The following PKNOX2 variants were observed in gnomAD, a reference collection of about 807,000 sequenced individuals.
PKNOX2 encodes PBX/knotted 1 homeobox 2.
In PKNOX2, 14 loss-of-function variants were observed where a neutral mutation model predicts 53.1. That is an observed-to-expected ratio of 0.26 (90% CI 0.17 to 0.41). The LOEUF (loss-of-function observed/expected upper bound fraction) is 0.41. Ranked by LOEUF, PKNOX2 falls within the 10% of genes least tolerant of loss-of-function variation. The pLI is 1.00. For synonymous variants in PKNOX2, 257 were observed against 242.8 expected, an observed-to-expected ratio of 1.06 and a Z score of -0.54; for missense variants, 496 against 602.8, an observed-to-expected ratio of 0.82 and a Z score of 1.85.
At chr11:125,302,169 G>A (rs781332530) in intron 2 of PKNOX2, among the ~76,000 whole-genome samples, 1 of 152,206 alleles carries the variant, frequency 6.6e-6, no homozygotes, top group Non-Finnish European at 1.5e-5. Context: ...GGCCTGGAAG[G>A]ATGAGTGGAC....
intron 2 of PKNOX2, among the ~76,000 whole-genome samples, chr11:125,264,075 G>C (rs1207095287): frequency 6.6e-6 from 1 of 152,164 alleles, no homozygotes; most frequent in African/African-American, 2.4e-5. Context: ...CCCTACAAGA[G>C]TTAACTCCCT....
intron 1 of PKNOX2, among the ~76,000 whole-genome samples, chr11:125,218,885 A>C (rs1472901699): frequency 6.6e-6 from 1 of 152,206 alleles, no homozygotes; most frequent in Non-Finnish European, 1.5e-5. Flanking sequence ...CAGGGGCTCC[A>C]TGACATCCAC....
At chr11:125,315,904 G>T (rs1246574730) in intron 2 of PKNOX2, among the ~76,000 whole-genome samples, 1 of 152,170 alleles carries the variant, frequency 6.6e-6, no homozygotes, top group Non-Finnish European at 1.5e-5. Flanking sequence ...GTAAGAGCAG[G>T]AGTCCACAAA....
intron 2 of PKNOX2, among the ~76,000 whole-genome samples, chr11:125,310,670 A>C (rs1165788686): frequency 3.3e-5 from 5 of 152,246 alleles, no homozygotes; most frequent in East Asian, 3.9e-4. Flanking sequence ...ATTTGTTTTC[A>C]TCAGTTCACA....
intron 2 of PKNOX2, among the ~76,000 whole-genome samples, chr11:125,284,833 G>T (rs927078116): frequency 6.6e-6 from 1 of 152,196 alleles, no homozygotes; most frequent in South Asian, 2.1e-4. Context: ...TCCACCCCCA[G>T]CTCTGAGCAG....
Position 125,240,670 on chromosome 11 carries a change from C to T in PKNOX2, c.-130+5555C>T, listed in dbSNP as rs144979339. Among the ~76,000 whole-genome samples, 852 of 152,292 alleles carry T rather than the reference C, an allele frequency of 5.6e-3. 8 individuals are homozygous for T. Among genetic ancestry groups the T allele is most frequent in the African/African-American group, 0.019 (778 of 41,546 alleles). On this transcript the variant is annotated intron_variant, in intron 2 of 12. Coordinates refer to ENST00000298282, the MANE Select transcript of PKNOX2 (RefSeq NM_001382323.2). The surrounding 1 kb of genome is among the most constrained non-coding windows in gnomAD (Gnocchi z 4.3). ...TTTTCTTTCTCTGTGGTGCCTGTCA[C>T]TTCCACCATTACCCATTCTCAGATC...
intron 6 of PKNOX2, among the ~76,000 whole-genome samples, chr11:125,396,677 G>T (rs1954424970): frequency 6.6e-6 from 1 of 151,216 alleles, no homozygotes; most frequent in South Asian, 2.1e-4. Context: ...CCTAACAATA[G>T]GAGACTGGTT....
rs150067341 is a variant in PKNOX2, at chr11:125,311,782, CA to C, written c.-129-20034del. Among the ~76,000 whole-genome samples the C allele has an allele frequency of 6.0e-3, 917 of 152,264 alleles. 8 individuals carry two copies. The highest frequency in any genetic ancestry group is 0.019 in the African/African-American group (797 of 41,550). ...ATCAAAGCCTTGAGCACAATGCCCT[CA>C]AATAAACTCATCAGCACCTCCTCCA... On this transcript the variant is annotated intron_variant, in intron 2 of 12. Transcript: ENST00000298282.
intron 2 of PKNOX2, among the ~76,000 whole-genome samples, chr11:125,309,980 C>G (rs1040787783): frequency 6.6e-6 from 1 of 152,158 alleles, no homozygotes; most frequent in Admixed American, 6.5e-5. Context: ...AAAACTCTTC[C>G]GGTTCCGCCA....
chr11:125,233,989 G>A (rs141642986), intron 1 of PKNOX2, among the ~76,000 whole-genome samples: 13 of 152,286 alleles, frequency 8.5e-5, no homozygotes, highest in Non-Finnish European at 1.9e-4. Flanking sequence ...CTCTCCTCTA[G>A]TGTCTGTCAG....
intron 1 of PKNOX2, among the ~76,000 whole-genome samples, chr11:125,233,395 A>G (rs1942395022): frequency 1.3e-5 from 2 of 152,314 alleles, no homozygotes; most frequent in South Asian, 4.1e-4. Flanking sequence ...AGTTTAGAAT[A>G]ATACAAGTTG....
At chr11:125,419,581 T>TTTTTGCA (rs1956065493) in intron 10 of PKNOX2, among the ~76,000 whole-genome samples, 1 of 151,944 alleles carries the variant, frequency 6.6e-6, no homozygotes, top group African/African-American at 2.4e-5. Flanking sequence ...GTATTAAGGA[T>TTTTTGCA]TAACTTTTTA....
chr11:125,343,527 T>C (rs537315397), intron 3 of PKNOX2, among the ~76,000 whole-genome samples: 4 of 152,338 alleles, frequency 2.6e-5, no homozygotes, highest in Admixed American at 2.6e-4. Context: ...GTGAGAACTC[T>C]TGCCTGCTAT....
At chr11:125,204,531 C>G (rs537890413) in intron 1 of PKNOX2, among the ~76,000 whole-genome samples, 1 of 152,280 alleles carries the variant, frequency 6.6e-6, no homozygotes, top group Non-Finnish European at 1.5e-5. Flanking sequence ...CCCATTGTCA[C>G]AGGTTGAACG....
intron 3 of PKNOX2, among the ~76,000 whole-genome samples, chr11:125,343,618 C>A (rs1018810789): frequency 3.3e-5 from 5 of 152,170 alleles, no homozygotes; most frequent in Non-Finnish European, 7.3e-5. Flanking sequence ...GTAGGAAGAT[C>A]TAATGGACAA....
chr11:125,377,263 G>A (rs1162798777), intron 5 of PKNOX2, among the ~76,000 whole-genome samples: 1 of 152,196 alleles, frequency 6.6e-6, no homozygotes, highest in Non-Finnish European at 1.5e-5. Context: ...CCAAAGTGTA[G>A]CTTATTTCAG....
intron 10 of PKNOX2, among the ~76,000 whole-genome samples, chr11:125,419,934 C>T (rs1404839788): frequency 6.7e-6 from 1 of 150,252 alleles, no homozygotes; most frequent in Non-Finnish European, 1.5e-5. Context: ...TGTAATCATG[C>T]CAGCACTTTG....
At chr11:125,318,547 C>T (rs939229782) in intron 2 of PKNOX2, among the ~76,000 whole-genome samples, 5 of 152,146 alleles carry the variant, frequency 3.3e-5, no homozygotes, top group African/African-American at 1.2e-4. Flanking sequence ...TCTATCCAGA[C>T]CATTCAAACG....
intron 6 of PKNOX2, among the ~76,000 whole-genome samples, chr11:125,395,224 A>G (rs933330457): frequency 1.3e-5 from 2 of 152,276 alleles, no homozygotes; most frequent in South Asian, 2.1e-4. Context: ...CTTGCAATCT[A>G]TCCACATTGT....
Sources: allele counts gnomAD v4.1 joint callset (sites outside exome capture counted in the v4.1 genomes callset), GRCh38; gene constraint gnomAD v4.1.1; non-coding constraint Gnocchi (gnomAD v3.1); transcripts MANE v1.5; gene names NCBI Gene and HGNC (gene_info 2026-07-23, HGNC 2026-07-21).